The following KCNJ12 variants were observed in gnomAD, a reference collection of about 807,000 sequenced individuals.
The protein encoded by KCNJ12 is potassium inwardly rectifying channel subfamily J member 12, also known as ATP-sensitive inward rectifier potassium channel 12.
KCNJ12 carries 2 observed loss-of-function variants against 22.3 expected under a neutral mutation model. The observed-to-expected ratio is 0.09, with a 90% CI of 0.04 to 0.28. The LOEUF is 0.28. KCNJ12 is among the 10% of genes least tolerant of loss of function. The pLI is 1.00. For missense variants in KCNJ12, 155 were observed against 633.3 expected, an observed-to-expected ratio of 0.24 and a Z score of 8.11; for synonymous variants, 117 against 261.4, an observed-to-expected ratio of 0.45 and a Z score of 5.33.
Position 21,416,922 on chromosome 17 carries a change from G to C in KCNJ12, c.*278G>C, listed in dbSNP as rs1906873336. 3 of 530,604 alleles carry C rather than the reference G, an allele frequency of 5.7e-6. No individual in the cohort carries two copies. In the African/African-American group the frequency reaches 5.7e-5, roughly 10 times the overall value. 32.9% of individuals were successfully genotyped at this position (530,604 alleles called of 1,614,324 possible). A position where few individuals can be genotyped will look rare whatever the true frequency, so the allele number is the denominator to read the frequency against. On this transcript the variant is annotated 3_prime_UTR_variant, in exon 3 of 3. Coordinates refer to ENST00000583088, the MANE Select transcript of KCNJ12 (RefSeq NM_021012.5). ...ACGAGGGCCAGGGCTTCTGCCTGAAGATGGAGCTGCAGCCTGCGGGGAAGC... is the reference window on the plus strand; with the variant it reads ...ACGAGGGCCAGGGCTTCTGCCTGAACATGGAGCTGCAGCCTGCGGGGAAGC...
intron 1 of KCNJ12, among the ~76,000 whole-genome samples, chr17:21,407,527 C>T (rs113013623): frequency 0.034 from 4,230 of 123,954 alleles, no homozygotes; most frequent in Middle Eastern, 0.058. Flanking sequence ...AATCATCTGC[C>T]CATCCATCCA....
At chr17:21,402,825 G>T (rs1161930073) in intron 1 of KCNJ12, among the ~76,000 whole-genome samples, 4 of 152,308 alleles carry the variant, frequency 2.6e-5, no homozygotes, top group African/African-American at 9.6e-5. Context: ...TTCCTTGCTG[G>T]GAGCAAGGCA....
chr17:21,386,972 ATGGCCAACCCAGATATGCCACCC>A (rs1905088257), intron 1 of KCNJ12, among the ~76,000 whole-genome samples: 1 of 152,222 alleles, frequency 6.6e-6, no homozygotes, highest in Non-Finnish European at 1.5e-5. Flanking sequence ...GCCACTACTC[ATGGCCAACCCAGATATGCCACCC>A]TGCATCCTTT....
At chr17:21,391,608 T>TCCA (rs1254731341) in intron 1 of KCNJ12, among the ~76,000 whole-genome samples, 1 of 152,204 alleles carries the variant, frequency 6.6e-6, no homozygotes, top group African/African-American at 2.4e-5. Flanking sequence ...CTCCTCCTCC[T>TCCA]CCACTTCTTC....
At chr17:21,382,823 A>G (rs9915677) in intron 1 of KCNJ12, among the ~76,000 whole-genome samples, 1,870 of 152,274 alleles carry the variant, frequency 0.012, 29 homozygotes, top group African/African-American at 0.043. Flanking sequence ...GAGTGGGGGC[A>G]GAAAAGGAAA....
rs75497256 is a variant in KCNJ12 at position 21,417,107 on chromosome 17, A to G, written c.*463A>G. The G allele has an allele frequency of 5.6e-6, 1 of 179,408 alleles. No homozygotes were observed. Among genetic ancestry groups the G allele is most frequent in the South Asian group, 2.0e-4 (1 of 5,036 alleles). 11.1% of individuals were successfully genotyped at this position (179,408 alleles called of 1,614,324 possible). A position where few individuals can be genotyped will look rare whatever the true frequency, so the allele number is the denominator to read the frequency against. On this transcript the variant is annotated 3_prime_UTR_variant, in exon 3 of 3. Coordinates refer to ENST00000583088, the MANE Select transcript of KCNJ12 (RefSeq NM_021012.5). ...AAAAAAAAAAATTACCATGCAATTGAAAAAATTTTTTTTTAATTCACAGGG... is the reference window on the plus strand; with the variant it reads ...AAAAAAAAAAATTACCATGCAATTGGAAAAATTTTTTTTTAATTCACAGGG...
Position 21,388,894 on chromosome 17 carries a change from G to A in KCNJ12, c.-179+11981G>A, listed in dbSNP as rs57010863. ...CCCCGAGGGAAGGTAGAGACATCCT[G>A]GGCCTGGGATCCAGGAGGCGTTTTG... On this transcript the variant is annotated intron_variant, in intron 1 of 2. Transcript: ENST00000583088. Among the ~76,000 whole-genome samples, 939 of 152,266 alleles carry A rather than the reference G, an allele frequency of 6.2e-3. 6 individuals are homozygous for A. Among genetic ancestry groups the A allele is most frequent in the African/African-American group, 0.021 (892 of 41,562 alleles).
At chr17:21,397,804 A>G (rs960970729) in intron 1 of KCNJ12, among the ~76,000 whole-genome samples, 1 of 152,204 alleles carries the variant, frequency 6.6e-6, no homozygotes, top group Non-Finnish European at 1.5e-5. Context: ...TGCGGCCTCC[A>G]GCTCCCCTGG....
intron 1 of KCNJ12, among the ~76,000 whole-genome samples, chr17:21,382,371 G>A (rs898254835): frequency 4.6e-5 from 7 of 152,166 alleles, no homozygotes; most frequent in Non-Finnish European, 7.4e-5. Flanking sequence ...TGTTTGGAGG[G>A]CGGCTGAGGG....
intron 1 of KCNJ12, among the ~76,000 whole-genome samples, chr17:21,393,499 C>T (rs1276522191): frequency 2.0e-5 from 3 of 152,210 alleles, no homozygotes; most frequent in African/African-American, 4.8e-5. Context: ...GAAGCCAGCA[C>T]TGCCTGCTGG....
intron 1 of KCNJ12, among the ~76,000 whole-genome samples, chr17:21,384,274 G>C (rs1181215793): frequency 6.6e-6 from 1 of 152,160 alleles, no homozygotes; most frequent in Non-Finnish European, 1.5e-5. Context: ...GCTGAGTCTT[G>C]GGACTGTAGG....
chr17:21,414,891 T>C (rs2142079220), intron 2 of KCNJ12, among the ~76,000 whole-genome samples: 1 of 152,428 alleles, frequency 6.6e-6, no homozygotes, highest in East Asian at 1.9e-4. Flanking sequence ...CCGACTCAGC[T>C]TCCACAGGCC....
chr17:21,409,118 G>A (rs1192259416), intron 2 of KCNJ12, among the ~76,000 whole-genome samples: 3 of 152,304 alleles, frequency 2.0e-5, no homozygotes, highest in African/African-American at 7.2e-5. Flanking sequence ...AGCCTCTCTA[G>A]GCCTCTGAGC....
At chr17:21,383,225 G>C (rs1215085788) in intron 1 of KCNJ12, among the ~76,000 whole-genome samples, 2 of 152,204 alleles carry the variant, frequency 1.3e-5, no homozygotes, top group African/African-American at 2.4e-5. Flanking sequence ...AGCTGCAGCC[G>C]GGCCCGAGCT....
At chr17:21,397,978 G>C (rs1345259443) in intron 1 of KCNJ12, among the ~76,000 whole-genome samples, 9 of 152,150 alleles carry the variant, frequency 5.9e-5, no homozygotes, top group Admixed American at 3.9e-4. Flanking sequence ...TTTGAACCAA[G>C]GCTGTCCCAG....
At chr17:21,382,126 T>C (rs1904889151) in intron 1 of KCNJ12, among the ~76,000 whole-genome samples, 1 of 152,218 alleles carries the variant, frequency 6.6e-6, no homozygotes, top group Admixed American at 6.5e-5. Flanking sequence ...TGGGGCTTCC[T>C]TCAGGCCCCT....
rs1386544332 is a variant in KCNJ12, at chr17:21,417,134, G to A, written c.*490G>A. 1.9e-5 allele frequency: 3 copies of A among 159,402 alleles called. No individual in the cohort carries two copies. The highest frequency in any genetic ancestry group is 7.0e-5 in the Admixed American group (1 of 14,238). The allele number at this position is 159,402 out of a possible 1,614,324, so 9.9% of individuals were successfully genotyped here. On this transcript the variant is annotated 3_prime_UTR_variant, in exon 3 of 3. Coordinates refer to ENST00000583088, the MANE Select transcript of KCNJ12 (RefSeq NM_021012.5). ...AAAATTTTTTTTTAATTCACAGGGGGCAAAAAGAACAATTAGAATTCCATG... is the reference window on the plus strand; with the variant it reads ...AAAATTTTTTTTTAATTCACAGGGGACAAAAAGAACAATTAGAATTCCATG...
chr17:21,402,946 C>G (rs1279478612), intron 1 of KCNJ12, among the ~76,000 whole-genome samples: 351 of 152,396 alleles, frequency 2.3e-3, no homozygotes, highest in Middle Eastern at 0.01. Flanking sequence ...GGGCATGGCT[C>G]CTCTCTGTGC....
intron 1 of KCNJ12, among the ~76,000 whole-genome samples, chr17:21,407,099 C>A (rs1905991707): frequency 1.3e-5 from 2 of 152,302 alleles, no homozygotes; most frequent in Admixed American, 1.3e-4. Context: ...GCTCATCCAT[C>A]TAGTCATCTA....
Sources: gnomAD v4.1 joint callset for allele counts (sites outside exome capture counted in the v4.1 genomes callset) on GRCh38, gnomAD v4.1.1 for gene constraint, MANE v1.5 for transcripts, NCBI Gene and HGNC (gene_info 2026-07-23, HGNC 2026-07-21) for gene names.